TDG: variants seen among roughly 807,000 people sequenced by gnomAD.
TDG encodes G/T mismatch-specific thymine DNA glycosylase.
In TDG, 23 loss-of-function variants were observed where a neutral mutation model predicts 46.1. The ratio of observed to expected loss-of-function variants is 0.50; its 90% confidence interval spans 0.36 to 0.71. The LOEUF (loss-of-function observed/expected upper bound fraction) is 0.71, where lower values mean the gene tolerates loss of function less well. TDG is among the 30% of genes least tolerant of loss of function. The pLI is 0.00. For synonymous variants in TDG, 115 were observed against 161.3 expected, an observed-to-expected ratio of 0.71 and a Z score of 2.18; for missense variants, 304 against 486.7, an observed-to-expected ratio of 0.62 and a Z score of 3.53.
At chr12:103,974,121 G>C (rs1237065257) in intron 1 of TDG, among the ~76,000 whole-genome samples, 1 of 152,016 alleles carries the variant, frequency 6.6e-6, no homozygotes, top group East Asian at 1.9e-4. Flanking sequence ...GCCGCTGGGG[G>C]TGGTCTGTTA....
At chr12:103,984,327 C>G (rs1313577050) in intron 7 of TDG, among the ~76,000 whole-genome samples, 2 of 152,146 alleles carry the variant, frequency 1.3e-5, no homozygotes, top group African/African-American at 2.4e-5. Context: ...GGCGTGGTGG[C>G]TCATGCCTAT....
chr12:103,966,049 G>A lies in TDG; in HGVS notation c.12G>A (p.Glu4=), dbSNP rs759469919. The change falls in exon 1 of 10, where the codon GAG becomes GAA. Residue 4 remains glutamate, a synonymous_variant. Coordinates refer to ENST00000392872, the MANE Select transcript of TDG (RefSeq NM_003211.6). ...AGCGGCCTCGGGGAATGGAAGCGGA[G>A]AACGCGGGCAGGTAATACCGGGGCC... MEA[E]NAGSYSLQQA... is the part of the protein sequence containing the mutation. 21 of 1,595,638 alleles carry A rather than the reference G, an allele frequency of 1.3e-5. 1 individual carries two copies. In the South Asian group the frequency reaches 2.1e-4, roughly 16 times the overall value.
chr12:103,981,226 CTTTTTTT>C (rs11314473), intron 4 of TDG, among the ~76,000 whole-genome samples: 4 of 69,412 alleles, frequency 5.8e-5, no homozygotes, highest in African/African-American at 2.3e-4. Flanking sequence ...AGTTGTACTA[CTTTTTTT>C]TTTTTTTTTT....
rs1872266502 is a variant in TDG, at chr12:103,987,982, C to T, written c.*892C>T. 6.6e-6 allele frequency: 1 copy of T among 152,592 alleles called. No homozygotes were observed. Among genetic ancestry groups the T allele is most frequent in the South Asian group, 2.1e-4 (1 of 4,834 alleles). The allele number at this position is 152,592 out of a possible 1,614,324, so 9.5% of individuals were successfully genotyped here. On this transcript the variant is annotated 3_prime_UTR_variant, in exon 10 of 10. Coordinates refer to ENST00000392872, the MANE Select transcript of TDG (RefSeq NM_003211.6). ...CTCATTTAAACTGGTGCTTTATGTACATGAGATGTACTAAAATAAGTAATA... is the reference window on the plus strand; with the variant it reads ...CTCATTTAAACTGGTGCTTTATGTATATGAGATGTACTAAAATAAGTAATA...
At chr12:103,985,062 T>C in intron 8 of TDG, 142 bp downstream of exon 8, 3 of 5,792 alleles carry the variant, frequency 5.2e-4, no homozygotes, top group Non-Finnish European at 7.1e-4. Context: ...TATATATACA[T>C]GTGTATATAT....
At chr12:103,971,334 C>T (rs1044173888) in intron 1 of TDG, among the ~76,000 whole-genome samples, 1 of 152,120 alleles carries the variant, frequency 6.6e-6, no homozygotes, top group Non-Finnish European at 1.5e-5. Context: ...GAAGCTAAGG[C>T]GGGCAGATCG....
At chr12:103,980,610 C>T in intron 3 of TDG, 2 of 310,838 alleles carry the variant, frequency 6.4e-6, no homozygotes, top group Admixed American at 4.7e-5. Context: ...TCTTTCCAGA[C>T]TCAAAGCAGC....
intron 1 of TDG, among the ~76,000 whole-genome samples, chr12:103,968,656 G>A (rs1190582761): frequency 4.6e-5 from 7 of 152,308 alleles, no homozygotes; most frequent in African/African-American, 7.2e-5. Context: ...CTTGGCCTGC[G>A]TGTGTTGTGT....
At chr12:103,985,166 T>TACATACATAC (rs1555275231) in intron 8 of TDG, among the ~76,000 whole-genome samples, 2 of 138,506 alleles carry the variant, frequency 1.4e-5, no homozygotes, top group South Asian at 2.4e-4. Flanking sequence ...TATAGACACA[T>TACATACATAC]ACACACACAC....
At chr12:103,982,350 A>G (rs576041246) in intron 4 of TDG, among the ~76,000 whole-genome samples, 11 of 152,208 alleles carry the variant, frequency 7.2e-5, no homozygotes, top group African/African-American at 2.4e-4. Flanking sequence ...AGGTGGTGGT[A>G]TCACCAATTG....
chr12:103,982,758 C>G (rs1401583606), intron 4 of TDG, 41 bp from the exon 5 acceptor site: 4 of 1,605,914 alleles, frequency 2.5e-6, no homozygotes, highest in Non-Finnish European at 3.4e-6. Flanking sequence ...GAGCGAGACC[C>G]TGTCTAAAAA....
intron 1 of TDG, among the ~76,000 whole-genome samples, chr12:103,975,600 C>G (rs529214134): frequency 7.0e-4 from 106 of 152,230 alleles, no homozygotes; most frequent in Middle Eastern, 6.8e-3. Context: ...ATCAGGAACC[C>G]TCTCCTGTGA....
chr12:103,966,661 G>A (rs1181948319), intron 1 of TDG, among the ~76,000 whole-genome samples: 1 of 62,474 alleles, frequency 1.6e-5, no homozygotes, highest in Non-Finnish European at 3.2e-5. Context: ...TCCTTTGGGG[G>A]AGTCAAGAGA....
rs1415911837 is a variant in TDG, at chr12:103,988,476, C to T, written c.*1386C>T. On this transcript the variant is annotated 3_prime_UTR_variant, in exon 10 of 10. Transcript: ENST00000392872. ...TCATTTATGTTATTTAAATGATGTA[C>T]TGTACTGCTGTTTACATGGACGTTT... is the stretch of plus-strand genomic sequence containing the variant. The T allele has an allele frequency of 6.5e-6, 1 of 152,740 alleles. No individual in the cohort carries two copies. Among genetic ancestry groups the T allele is most frequent in the African/African-American group, 2.4e-5 (1 of 41,484 alleles). The allele number at this position is 152,740 out of a possible 1,614,324, so 9.5% of individuals were successfully genotyped here. A position where few individuals can be genotyped will look rare whatever the true frequency, so the allele number is the denominator to read the frequency against.
intron 7 of TDG, 54 bp from the exon 8 acceptor site, chr12:103,984,695 G>T (rs996381069): frequency 1.9e-5 from 25 of 1,332,674 alleles, no homozygotes; most frequent in Non-Finnish European, 2.5e-5. Context: ...ATCTCAATGA[G>T]TGAATTCAAT....
rs1260501272 is a variant in TDG at position 103,985,064 on chromosome 12, TGTATATATAC to T, written c.964+145_964+154del. On this transcript the variant is annotated intron_variant, in intron 8 of 9. Transcript: ENST00000392872. ...ATATGCACACGTGTATATATACATG[TGTATATATAC>T]ATATATACACATAAGTATGTATGTC... 6 of 308,048 alleles carry T rather than the reference TGTATATATAC, an allele frequency of 1.9e-5. No homozygotes were observed. The Admixed American group carries it at 3.3e-4, about 17-fold the overall frequency. 19.1% of individuals were successfully genotyped at this position (308,048 alleles called of 1,614,324 possible).
Position 103,983,235 on chromosome 12 carries a change from A to C in TDG, c.697+17A>C. On this transcript the variant is annotated intron_variant, in intron 6 of 9. Coordinates refer to ENST00000392872, the MANE Select transcript of TDG (RefSeq NM_003211.6). ...ATGGAAAATGTAAGATTTACTTTTA[A>C]ATTTTTTTTTTCTTTGCTAACATTA... The C allele has an allele frequency of 1.9e-6, 3 of 1,578,060 alleles. No individual in the cohort carries two copies. Among genetic ancestry groups the C allele is most frequent in the Non-Finnish European group, 2.6e-6 (3 of 1,167,952 alleles).
intron 8 of TDG, 125 bp downstream of exon 8, chr12:103,985,045 A>G (rs1872054472): frequency 1.6e-6 from 1 of 608,798 alleles, no homozygotes. Context: ...ACATATATGC[A>G]CACGTGTATA....
intron 7 of TDG, among the ~76,000 whole-genome samples, chr12:103,984,249 G>T (rs1871999074): frequency 6.6e-6 from 1 of 152,158 alleles, no homozygotes; most frequent in Non-Finnish European, 1.5e-5. Context: ...TTCACTACCT[G>T]TAGTGAATTG....
Sources: allele counts gnomAD v4.1 joint callset (sites outside exome capture counted in the v4.1 genomes callset), GRCh38; gene constraint gnomAD v4.1.1; transcripts MANE v1.5; gene names NCBI Gene and HGNC (gene_info 2026-07-23, HGNC 2026-07-21).